Variants in SLC39A12 observed in about 807,000 individuals in gnomAD.
The protein encoded by SLC39A12 is zinc transporter ZIP12.
A neutral mutation model predicts 71.1 loss-of-function variants in SLC39A12; 63 were observed. The ratio of observed to expected loss-of-function variants is 0.89; its 90% CI spans 0.72 to 1.09. The LOEUF is 1.09. Among genes scored for constraint, SLC39A12 ranks in the 50% least tolerant of loss-of-function variants. The probability of loss-of-function intolerance (pLI) is 0.00; values close to 1 mark genes in which losing one functional copy is unlikely to be tolerated. For missense variants in SLC39A12, 892 were observed against 812.6 expected, an observed-to-expected ratio of 1.10 and a Z score of -1.19; for synonymous variants, 351 against 301.3, an observed-to-expected ratio of 1.16 and a Z score of -1.71.
At chr10:18,006,627 G>A (rs1354524013) in intron 12 of SLC39A12, among the ~76,000 whole-genome samples, 3 of 152,154 alleles carry the variant, frequency 2.0e-5, no homozygotes, top group Non-Finnish European at 4.4e-5. Flanking sequence ...AGGACTATGG[G>A]AACACCATCA....
chr10:17,953,809 C>A (rs4433476), intron 2 of SLC39A12, among the ~76,000 whole-genome samples: 1 of 151,878 alleles, frequency 6.6e-6, no homozygotes, highest in African/African-American at 2.4e-5. Context: ...TATTTGTGAG[C>A]GCGAACTTTT....
intron 6 of SLC39A12, among the ~76,000 whole-genome samples, chr10:17,985,949 A>G (rs889648499): frequency 1.3e-5 from 2 of 152,220 alleles, no homozygotes; most frequent in Admixed American, 6.5e-5. Flanking sequence ...TTACACATTC[A>G]TTGATCAGTT....
At chr10:18,041,271 C>T (rs1459443462) in intron 12 of SLC39A12, among the ~76,000 whole-genome samples, 1 of 151,930 alleles carries the variant, frequency 6.6e-6, no homozygotes, top group South Asian at 2.1e-4. Context: ...CCATGTGTTT[C>T]TCTGAGAATA....
In SLC39A12 at chr10:17,961,824, G is replaced by A; in HGVS notation, c.505G>A (p.Ala169Thr). Residue 169 changes from alanine to threonine, a missense_variant, in exon 3 of 13, where the codon GCT becomes ACT. Coordinates refer to ENST00000377369, the MANE Select transcript of SLC39A12 (RefSeq NM_001145195.2). ...ACAGAATGAGACAGAAGATATCTTG[G>A]CTTTCACCAGGCAGTACTTTGACAC... The part of the protein sequence containing the change: ...LSQNETEDIL[A>T]FTRQYFDTSQ... 6 of 1,613,992 alleles carry A rather than the reference G, an allele frequency of 3.7e-6. No homozygotes were observed. Among genetic ancestry groups the A allele is most frequent in the Non-Finnish European group, 5.1e-6 (6 of 1,179,970 alleles).
chr10:18,036,769 TA>T (rs1564665873), intron 12 of SLC39A12, among the ~76,000 whole-genome samples: 11,400 of 79,350 alleles, frequency 0.14, 1,456 homozygotes, highest in Non-Finnish European at 0.16. Flanking sequence ...TATATATATA[TA>T]TATATATATA....
chr10:18,026,526 T>C (rs140364109), intron 12 of SLC39A12, among the ~76,000 whole-genome samples: 145 of 152,254 alleles, frequency 9.5e-4, no homozygotes, highest in African/African-American at 3.1e-3. Context: ...AAAGCATATC[T>C]CTTGCTTGAT....
intron 2 of SLC39A12, among the ~76,000 whole-genome samples, chr10:17,953,902 C>T (rs1361829189): frequency 6.6e-6 from 1 of 152,202 alleles, no homozygotes; most frequent in Non-Finnish European, 1.5e-5. Flanking sequence ...TATTTGTTTG[C>T]TGGAGCATAA....
At chr10:17,968,759 T>C (rs982577387) in intron 4 of SLC39A12, among the ~76,000 whole-genome samples, 5 of 152,162 alleles carry the variant, frequency 3.3e-5, no homozygotes, top group African/African-American at 1.2e-4. Context: ...GAATGGGGTA[T>C]CCATCCCTTC....
chr10:18,033,846 T>C (rs905148739), intron 12 of SLC39A12, among the ~76,000 whole-genome samples: 28 of 152,182 alleles, frequency 1.8e-4, no homozygotes, highest in African/African-American at 5.1e-4. Flanking sequence ...TTCTGGTATG[T>C]TGTGTCTTTG....
intron 3 of SLC39A12, among the ~76,000 whole-genome samples, chr10:17,963,184 AAAAAG>A (rs1295465383): frequency 1.3e-5 from 2 of 152,184 alleles, no homozygotes; most frequent in African/African-American, 2.4e-5. Context: ...GCAGGAAAAA[AAAAAG>A]AAAAGAAAAA....
rs148745563 is a variant in SLC39A12, at chr10:17,994,664, T to C, written c.1534-992T>C. On this transcript the variant is annotated intron_variant, in intron 9 of 12. Transcript: ENST00000377369. ...TATCCTCCCAATTTCAAGTAAGAGG[T>C]CTACTTCCTGCTCTCTGTATCCTAC... is the stretch of plus-strand genomic sequence containing the variant. Among the ~76,000 whole-genome samples the C allele has an allele frequency of 3.2e-4, 49 of 152,256 alleles. No homozygotes were observed. In the East Asian group the frequency reaches 9.3e-3, roughly 29 times the overall value.
intron 3 of SLC39A12, among the ~76,000 whole-genome samples, chr10:17,964,685 G>A (rs558926501): frequency 6.0e-4 from 91 of 152,326 alleles, no homozygotes; most frequent in Admixed American, 9.1e-4. Context: ...TACCAGATTT[G>A]ACATGCAATG....
At chr10:17,965,963 A>G (rs1028950661) in intron 4 of SLC39A12, among the ~76,000 whole-genome samples, 4 of 152,358 alleles carry the variant, frequency 2.6e-5, no homozygotes, top group South Asian at 2.1e-4. Flanking sequence ...ATGATCTGCC[A>G]TAAATACTAA....
chr10:17,972,247 C>G (rs1405862142), intron 4 of SLC39A12, among the ~76,000 whole-genome samples: 2 of 152,128 alleles, frequency 1.3e-5, no homozygotes, highest in African/African-American at 2.4e-5. Flanking sequence ...AGTTTTGTGA[C>G]CTAACGTATG....
At chr10:18,025,658 A>C (rs1836657280) in intron 12 of SLC39A12, among the ~76,000 whole-genome samples, 1 of 151,946 alleles carries the variant, frequency 6.6e-6, no homozygotes, top group Non-Finnish European at 1.5e-5. Context: ...GTTGGTTCCA[A>C]GTCTTTGCTC....
intron 2 of SLC39A12, among the ~76,000 whole-genome samples, chr10:17,961,040 G>A (rs1376248480): frequency 6.6e-6 from 1 of 152,228 alleles, no homozygotes; most frequent in East Asian, 1.9e-4. Context: ...ACTAGGGAAC[G>A]CAGGTTGGGA....
intron 3 of SLC39A12, among the ~76,000 whole-genome samples, chr10:17,962,141 A>G (rs1056719054): frequency 2.6e-5 from 4 of 152,178 alleles, no homozygotes; most frequent in African/African-American, 9.7e-5. Flanking sequence ...CCCTCTGAGC[A>G]CTCAAATCAG....
At chr10:18,003,785 C>T (rs1485175688) in intron 12 of SLC39A12, among the ~76,000 whole-genome samples, 3 of 152,156 alleles carry the variant, frequency 2.0e-5, no homozygotes, top group Non-Finnish European at 4.4e-5. Context: ...TGCGAAAGTT[C>T]TGTTAAATAG....
intron 10 of SLC39A12, among the ~76,000 whole-genome samples, chr10:17,996,159 G>A (rs1472005258): frequency 6.6e-6 from 1 of 152,060 alleles, no homozygotes; most frequent in Non-Finnish European, 1.5e-5. Context: ...TCATTGAGAT[G>A]GTAGAATTCA....
Sources: gnomAD v4.1 joint callset for allele counts (sites outside exome capture counted in the v4.1 genomes callset) on GRCh38, gnomAD v4.1.1 for gene constraint, MANE v1.5 for transcripts, NCBI Gene and HGNC (gene_info 2026-07-23, HGNC 2026-07-21) for gene names.